SRGAP3: variants seen among roughly 807,000 people sequenced by gnomAD.
The protein encoded by SRGAP3 is SLIT-ROBO Rho GTPase activating protein 3.
SRGAP3 carries 39 observed loss-of-function variants against 121.1 expected under a neutral mutation model. The ratio of observed to expected loss-of-function variants is 0.32; its 90% CI spans 0.25 to 0.42. The LOEUF is 0.42. Among genes scored for constraint, SRGAP3 ranks in the 10% least tolerant of loss-of-function variants. The probability of loss-of-function intolerance (pLI) is 1.00; values close to 1 mark genes in which losing one functional copy is unlikely to be tolerated. For synonymous variants in SRGAP3, 601 were observed against 570.0 expected (o/e 1.05, Z -0.77); for missense variants, 1,213 against 1,470.6 (o/e 0.82, Z 2.86).
chr3:9,135,698 T>A (rs1003775210), intron 1 of SRGAP3, among the ~76,000 whole-genome samples: 1 of 152,386 alleles, frequency 6.6e-6, no homozygotes, highest in Non-Finnish European at 1.5e-5. Context: ...CTGGAAATAA[T>A]GCACATGATG....
chr3:8,996,916 C>T (rs777973929), intron 18 of SRGAP3, among the ~76,000 whole-genome samples: 5 of 152,188 alleles, frequency 3.3e-5, no homozygotes, highest in Non-Finnish European at 7.3e-5. Flanking sequence ...GGGCTGCCTC[C>T]GGTTTCTGCC....
intron 3 of SRGAP3, among the ~76,000 whole-genome samples, chr3:9,086,102 G>A (rs74897047): frequency 0.036 from 5,481 of 152,220 alleles, 348 homozygotes; most frequent in African/African-American, 0.13. Context: ...CTCCTTCATC[G>A]TTCCCCTAGA....
At chr3:9,145,440 T>C (rs557244445) in intron 1 of SRGAP3, among the ~76,000 whole-genome samples, 8 of 152,330 alleles carry the variant, frequency 5.3e-5, no homozygotes, top group African/African-American at 1.7e-4. Flanking sequence ...AAGTTTTTAA[T>C]ATAAGTTTTT....
intron 2 of SRGAP3, among the ~76,000 whole-genome samples, chr3:9,327,113 A>G (rs532989439): frequency 6.6e-6 from 1 of 152,064 alleles, no homozygotes; most frequent in South Asian, 2.1e-4. Flanking sequence ...TGTTAAAGCT[A>G]GTTTTTAATA....
At chr3:9,257,859 C>T (rs564148219) in intron 3 of SRGAP3, among the ~76,000 whole-genome samples, 10 of 151,994 alleles carry the variant, frequency 6.6e-5, no homozygotes, top group Non-Finnish European at 8.8e-5. Flanking sequence ...CACCCACGAC[C>T]GCGCCTGGCT....
chr3:8,981,202 G>A lies in SRGAP3; in HGVS notation c.*4317C>T, dbSNP rs1012688598. The A allele has an allele frequency of 1.3e-5, 3 of 233,018 alleles. No individual in the cohort carries two copies. The East Asian group carries it at 1.8e-4, about 14-fold the overall frequency. 14.4% of individuals were successfully genotyped at this position (233,018 alleles called of 1,614,324 possible). ...TTTGGATATGTGGGGAATGTTCTATGTGGCTGCTCAGAGGAGAGGAGACCC... is the reference window on the plus strand; with the variant it reads ...TTTGGATATGTGGGGAATGTTCTATATGGCTGCTCAGAGGAGAGGAGACCC... On this transcript the variant is annotated 3_prime_UTR_variant, in exon 22 of 22. Transcript: ENST00000383836.
intron 2 of SRGAP3, among the ~76,000 whole-genome samples, chr3:9,326,706 G>T (rs1251902432): frequency 2.6e-5 from 4 of 151,720 alleles, no homozygotes; most frequent in African/African-American, 9.7e-5. Context: ...CATTTAAATT[G>T]TATATTTAAA....
chr3:9,048,790 C>T (rs751620951), intron 9 of SRGAP3, among the ~76,000 whole-genome samples: 1 of 152,184 alleles, frequency 6.6e-6, no homozygotes. Context: ...TGCCACTGCA[C>T]TCCATCCTAA....
chr3:8,985,261 G>C lies in SRGAP3; in HGVS notation c.*258C>G, dbSNP rs950095378. On this transcript the variant is annotated 3_prime_UTR_variant, in exon 22 of 22. Coordinates refer to ENST00000383836, the MANE Select transcript of SRGAP3 (RefSeq NM_014850.4). The surrounding 1 kb of genome is among the most constrained non-coding windows in gnomAD (Gnocchi z 5.1). ...CATGTGGTATTTTGCCTCCATGTTAGGGAATGCTGTGGTTGGGGCTGCTGG... is the reference window on the plus strand; with the variant it reads ...CATGTGGTATTTTGCCTCCATGTTACGGAATGCTGTGGTTGGGGCTGCTGG... 2 of 665,082 alleles carry C rather than the reference G, an allele frequency of 3.0e-6. No individual in the cohort carries two copies. The highest frequency in any genetic ancestry group is 1.9e-5 in the African/African-American group (1 of 54,038). The allele number at this position is 665,082 out of a possible 1,614,324, so 41.2% of individuals were successfully genotyped here.
intron 10 of SRGAP3, among the ~76,000 whole-genome samples, chr3:9,038,502 A>C (rs1485688225): frequency 6.6e-6 from 1 of 152,202 alleles, no homozygotes; most frequent in Non-Finnish European, 1.5e-5. Context: ...TGCCTCCCAA[A>C]GTTCAAAAAC....
chr3:9,086,845 C>A, intron 3 of SRGAP3, among the ~76,000 whole-genome samples: 1 of 108,654 alleles, frequency 9.2e-6, no homozygotes, highest in Non-Finnish European at 2.1e-5. Context: ...CATATGTATA[C>A]ATACTATACA....
In SRGAP3 at chr3:8,985,729, G is replaced by A. The variant is rs767955084; in HGVS notation, c.3090C>T (p.Ser1030=). ...AGGTGGTCATCATCTCGGTGGAGGA[G>A]CTGCTGCTGCGGCGCATGGCGGCAT... ...DPDAAMRRSS[S]SSTEMMTTFK... is the part of the protein sequence containing the mutation. Residue 1030 remains serine, a synonymous_variant, in exon 22 of 22, where the codon AGC becomes AGT. Coordinates refer to ENST00000383836, the MANE Select transcript of SRGAP3 (RefSeq NM_014850.4). The surrounding 1 kb of genome is among the most constrained non-coding windows in gnomAD (Gnocchi z 5.1). The A allele has an allele frequency of 5.0e-6, 8 of 1,597,146 alleles. No homozygotes were observed. In the Admixed American group the frequency reaches 1.3e-4, roughly 27 times the overall value.
chr3:9,102,161 T>G (rs1193510263), intron 3 of SRGAP3, among the ~76,000 whole-genome samples: 1 of 152,190 alleles, frequency 6.6e-6, no homozygotes, highest in African/African-American at 2.4e-5. Flanking sequence ...GTTTCTATTC[T>G]TAGGGATCAC....
intron 3 of SRGAP3, among the ~76,000 whole-genome samples, chr3:9,268,367 A>C (rs1199762997): frequency 6.6e-6 from 1 of 150,936 alleles, no homozygotes; most frequent in African/African-American, 2.4e-5. Context: ...CTGCCATATG[A>C]GGACACAGTA....
In SRGAP3 at chr3:8,994,278, G is replaced by A. The variant is rs1019645644; in HGVS notation, c.2408+65C>T. On this transcript the variant is annotated intron_variant, in intron 19 of 21. Coordinates refer to ENST00000383836, the MANE Select transcript of SRGAP3 (RefSeq NM_014850.4). ...GGCATACAAGCTAGCACTCCCCTAC[G>A]GTGCCCATCCCAGACATCACTAATC... 1.1e-5 allele frequency: 17 copies of A among 1,601,678 alleles called. No homozygotes were observed. The African/African-American group carries it at 1.5e-4, about 14-fold the overall frequency.
chr3:9,215,311 A>G (rs1952579463), intron 1 of SRGAP3, among the ~76,000 whole-genome samples: 1 of 152,158 alleles, frequency 6.6e-6, no homozygotes. Context: ...GGAGCCACAG[A>G]GTTGAAAAAG....
chr3:9,104,824 G>A lies in SRGAP3; in HGVS notation c.279C>T (p.Leu93=), dbSNP rs780542203. The A allele has an allele frequency of 4.3e-6, 7 of 1,614,260 alleles. No homozygotes were observed. In the Admixed American group the frequency reaches 1.0e-4, roughly 23 times the overall value. ...EHQFKKDQYL[L]SPVNCWYLVL... Reference sequence around the variant, plus strand: ...CCAGATACCAACAGTTCACAGGCGAGAGGAGGTACTGGTCCTTCCTGTGGA... The same window carrying A: ...CCAGATACCAACAGTTCACAGGCGAAAGGAGGTACTGGTCCTTCCTGTGGA... The change falls in exon 3 of 22, where the codon CTC becomes CTT. Residue 93 remains leucine (L), a synonymous_variant. Transcript: ENST00000383836.
Position 9,249,437 on chromosome 3 carries a change from G to A in SRGAP3, c.-486C>T, listed in dbSNP as rs1235771265. 3 of 249,098 alleles carry A rather than the reference G, an allele frequency of 1.2e-5. No individual in the cohort carries two copies. The highest frequency in any genetic ancestry group is 1.3e-4 in the South Asian group (1 of 7,608). The allele number at this position is 249,098 out of a possible 1,614,324, so 15.4% of individuals were successfully genotyped here. ...TCACACACACACATCCACGAGAGGC[G>A]CGGCGCCTCTTTGGTCGTGCAGCCA... On this transcript the variant is annotated 5_prime_UTR_variant, in exon 1 of 22. Coordinates refer to ENST00000383836, the MANE Select transcript of SRGAP3 (RefSeq NM_014850.4).
In SRGAP3 at chr3:9,354,341, G is replaced by A. The variant is rs186249071; in HGVS notation, n.214+8499C>T. Among the ~76,000 whole-genome samples, 372 of 152,292 alleles carry A rather than the reference G, an allele frequency of 2.4e-3. 1 individual carries two copies. The highest frequency in any genetic ancestry group is 8.6e-3 in the African/African-American group (357 of 41,558). On this transcript the variant is annotated intron_variant and non_coding_transcript_variant, in intron 1 of 3. Coordinates refer to the SRGAP3 transcript ENST00000490889. ...GAGGAAGAAGGTGGGCAAGGGAGTGGCTGTGCTATCTGACTTTCTACCCAG... is the reference window on the plus strand; with the variant it reads ...GAGGAAGAAGGTGGGCAAGGGAGTGACTGTGCTATCTGACTTTCTACCCAG...
Sources: allele counts gnomAD v4.1 joint callset (sites outside exome capture counted in the v4.1 genomes callset), GRCh38; gene constraint gnomAD v4.1.1; non-coding constraint Gnocchi (gnomAD v3.1); transcripts MANE v1.5; gene names NCBI Gene and HGNC (gene_info 2026-07-23, HGNC 2026-07-21).